SCD5: variants seen among roughly 807,000 people sequenced by gnomAD.
The protein encoded by SCD5 is stearoyl-CoA desaturase 5.
Under a neutral mutation model 30.4 loss-of-function variants are expected in SCD5, and 20 were observed. That is an observed-to-expected ratio of 0.66 (90% CI 0.46 to 0.96). The LOEUF is 0.96. SCD5 is among the 40% of genes least tolerant of loss of function. SCD5 has a pLI of 0.00. For synonymous variants in SCD5, 173 were observed against 176.4 expected (o/e 0.98, Z 0.16); for missense variants, 381 against 443.3 (o/e 0.86, Z 1.26).
rs115233059 is a variant in SCD5 at position 82,693,409 on chromosome 4, C to T, written c.363+11874G>A. On this transcript the variant is annotated intron_variant, in intron 2 of 4. Transcript: ENST00000319540. Reference sequence around the variant, plus strand: ...CTAAATTATATCTTGAATCTGCACACTTCTCATTTTTACCACCTTTTCTAG... The same window carrying T: ...CTAAATTATATCTTGAATCTGCACATTTCTCATTTTTACCACCTTTTCTAG... Among the ~76,000 whole-genome samples the T allele has an allele frequency of 6.7e-3, 1,023 of 152,302 alleles. 7 individuals carry two copies. Among genetic ancestry groups the T allele is most frequent in the Non-Finnish European group, 9.2e-3 (626 of 68,034 alleles).
intron 2 of SCD5, chr4:82,698,060 G>T (rs1392460790): frequency 2.2e-6 from 1 of 456,672 alleles, no homozygotes; most frequent in Non-Finnish European, 4.4e-6. Context: ...GGGCATCTGG[G>T]TCAGGACCAC....
At chr4:82,736,804 A>G (rs1483660642) in intron 1 of SCD5, among the ~76,000 whole-genome samples, 1 of 151,904 alleles carries the variant, frequency 6.6e-6, no homozygotes, top group Non-Finnish European at 1.5e-5. Flanking sequence ...CTGGAACTAC[A>G]GATGCATGCC....
intron 1 of SCD5, among the ~76,000 whole-genome samples, chr4:82,723,129 A>G (rs561668277): frequency 6.6e-6 from 1 of 151,494 alleles, no homozygotes; most frequent in South Asian, 2.1e-4. Flanking sequence ...CCTTCACCTC[A>G]GAACTACAGG....
At chr4:82,701,507 T>TA (rs879494353) in intron 2 of SCD5, among the ~76,000 whole-genome samples, 73 of 143,432 alleles carry the variant, frequency 5.1e-4, no homozygotes, top group Middle Eastern at 3.6e-3. Context: ...CAGAGAGGAT[T>TA]AAAAAAAAAA....
intron 1 of SCD5, among the ~76,000 whole-genome samples, chr4:82,737,270 A>C (rs530767196): frequency 2.0e-4 from 31 of 152,314 alleles, no homozygotes; most frequent in African/African-American, 7.0e-4. Flanking sequence ...GTCCTCTTCC[A>C]AGGATTTGTT....
At chr4:82,644,955 C>T (rs1727608947) in intron 3 of SCD5, among the ~76,000 whole-genome samples, 1 of 152,204 alleles carries the variant, frequency 6.6e-6, no homozygotes. Context: ...TGAGTGACTT[C>T]CTCTCTGCCT....
chr4:82,736,824 A>T (rs2148837525), intron 1 of SCD5, among the ~76,000 whole-genome samples: 1 of 151,864 alleles, frequency 6.6e-6, no homozygotes, highest in East Asian at 1.9e-4. Context: ...CACCATGCCC[A>T]GCTAATTTTT....
intron 1 of SCD5, among the ~76,000 whole-genome samples, chr4:82,773,097 GAC>G (rs939766633): frequency 3.9e-5 from 6 of 152,068 alleles, no homozygotes; most frequent in African/African-American, 1.4e-4. Context: ...AGCACCCCAG[GAC>G]ACAGGACTTC....
intron 1 of SCD5, among the ~76,000 whole-genome samples, chr4:82,724,166 A>G (rs1720425152): frequency 6.6e-6 from 1 of 152,248 alleles, no homozygotes; most frequent in African/African-American, 2.4e-5. Context: ...TGTATGTTTG[A>G]AAATGTACAT....
chr4:82,662,857 CAAAA>C (rs11340677), intron 3 of SCD5, among the ~76,000 whole-genome samples: 1 of 72,848 alleles, frequency 1.4e-5, no homozygotes. Context: ...AACTCCGTCT[CAAAA>C]AAAAAAAAAA....
intron 1 of SCD5, among the ~76,000 whole-genome samples, chr4:82,734,469 T>C (rs1222796640): frequency 1.3e-5 from 2 of 152,212 alleles, no homozygotes; most frequent in Non-Finnish European, 2.9e-5. Flanking sequence ...GAGATGCAGT[T>C]TTTGTGCTAT....
intron 1 of SCD5, among the ~76,000 whole-genome samples, chr4:82,787,876 T>A (rs1439631742): frequency 6.6e-6 from 1 of 151,986 alleles, no homozygotes. Flanking sequence ...ACAAAAATAA[T>A]AACGTAAAAA....
At chr4:82,750,640 C>CAAA (rs796212996) in intron 1 of SCD5, among the ~76,000 whole-genome samples, 2 of 132,124 alleles carry the variant, frequency 1.5e-5, no homozygotes, top group African/African-American at 5.6e-5. Context: ...CTGCTTGTAG[C>CAAA]AAAAAAAAAA....
intron 1 of SCD5, among the ~76,000 whole-genome samples, chr4:82,749,221 G>A (rs1377100586): frequency 6.6e-6 from 1 of 152,164 alleles, no homozygotes; most frequent in Non-Finnish European, 1.5e-5. Flanking sequence ...CTAGGGAGTC[G>A]CTAGGAGATA....
intron 1 of SCD5, among the ~76,000 whole-genome samples, chr4:82,789,129 A>T (rs991388193): frequency 1.8e-4 from 28 of 152,172 alleles, no homozygotes; most frequent in Non-Finnish European, 4.0e-4. Context: ...GACAAGCTGG[A>T]TTCCCAAGGG....
chr4:82,693,164 G>A (rs1038727636), intron 2 of SCD5, among the ~76,000 whole-genome samples: 1 of 152,182 alleles, frequency 6.6e-6, no homozygotes, highest in African/African-American at 2.4e-5. Context: ...CCTGTGCTCT[G>A]GGTTTTCTGG....
chr4:82,673,208 G>A (rs951994509), intron 3 of SCD5, among the ~76,000 whole-genome samples: 1 of 151,756 alleles, frequency 6.6e-6, no homozygotes, highest in Non-Finnish European at 1.5e-5. Context: ...CGATTGGGAA[G>A]GAAGAAATAA....
chr4:82,633,129 A>G (rs1180981467), intron 4 of SCD5, among the ~76,000 whole-genome samples: 2 of 152,090 alleles, frequency 1.3e-5, no homozygotes, highest in African/African-American at 4.8e-5. Context: ...GTACCCTTTG[A>G]CCAATATCTC....
chr4:82,668,741 G>A lies in SCD5; in HGVS notation c.569+11966C>T, dbSNP rs181513646. Among the ~76,000 whole-genome samples, 615 of 152,264 alleles carry A rather than the reference G, an allele frequency of 4.0e-3. 3 individuals carry two copies. Among genetic ancestry groups the A allele is most frequent in the Non-Finnish European group, 6.9e-3 (467 of 68,002 alleles). ...CTGCTGCAGGACCAGTATTTTACCT[G>A]AGTAAAATAGGCAATCACCAAACCC... On this transcript the variant is annotated intron_variant, in intron 3 of 4. Coordinates refer to ENST00000319540, the MANE Select transcript of SCD5 (RefSeq NM_001037582.3).
Sources: allele counts gnomAD v4.1 joint callset (sites outside exome capture counted in the v4.1 genomes callset), GRCh38; gene constraint gnomAD v4.1.1; transcripts MANE v1.5; gene names NCBI Gene and HGNC (gene_info 2026-07-23, HGNC 2026-07-21).